The following NELL2 variants were observed in gnomAD, a reference collection of about 807,000 sequenced individuals.
NELL2 encodes protein kinase C-binding protein NELL2.
Under a neutral mutation model 109.6 loss-of-function variants are expected in NELL2, and 41 were observed. The ratio of observed to expected loss-of-function variants is 0.37; its 90% confidence interval spans 0.29 to 0.49. The LOEUF (loss-of-function observed/expected upper bound fraction) is 0.49, where lower values mean the gene tolerates loss of function less well. Ranked by LOEUF, NELL2 falls within the 20% of genes least tolerant of loss-of-function variation. The pLI, the probability that NELL2 is intolerant of heterozygous loss-of-function variation, is 0.98. For missense variants in NELL2, 900 were observed against 1,008.3 expected (o/e 0.89, Z 1.45); for synonymous variants, 355 against 344.7 (o/e 1.03, Z -0.33).
intron 3 of NELL2, among the ~76,000 whole-genome samples, chr12:44,782,950 A>T (rs1167119634): frequency 6.6e-6 from 1 of 152,006 alleles, no homozygotes; most frequent in Non-Finnish European, 1.5e-5. Context: ...ATTCCCTTCA[A>T]GTTCCCAAGG....
chr12:44,895,907 A>G (rs2710469), intron 1 of NELL2, among the ~76,000 whole-genome samples: 3,697 of 152,308 alleles, frequency 0.024, 163 homozygotes, highest in African/African-American at 0.084. Context: ...TAAACACTCA[A>G]TTTAACAATA....
At chr12:44,908,851 T>C (rs1232515160) in intron 1 of NELL2, among the ~76,000 whole-genome samples, 2 of 151,986 alleles carry the variant, frequency 1.3e-5, no homozygotes, top group Non-Finnish European at 2.9e-5. Flanking sequence ...ATCATTAATA[T>C]TAAAAGGGAA....
rs71093812 is a variant in NELL2, at chr12:44,528,097, C to CAAAAAAAAAA, written c.1804+4474_1804+4483dup. On this transcript the variant is annotated intron_variant, in intron 16 of 19. Transcript: ENST00000429094. ...TGGGCGACAGAGCGAGACTCCGTCT[C>CAAAAAAAAAA]AAAAAAAAAAAAAAAAAAAAAAAAA... 2.0e-3 allele frequency among the ~76,000 whole-genome samples: 43 copies of CAAAAAAAAAA among 22,004 alleles called. 2 individuals are homozygous for CAAAAAAAAAA. The highest frequency in any genetic ancestry group is 4.6e-3 in the African/African-American group (28 of 6,104). 14.4% of individuals were successfully genotyped at this position (22,004 alleles called of 152,430 possible). A position where few individuals can be genotyped will look rare whatever the true frequency, so the allele number is the denominator to read the frequency against.
At chr12:44,650,851 G>C (rs1332151565) in intron 13 of NELL2, among the ~76,000 whole-genome samples, 1 of 152,160 alleles carries the variant, frequency 6.6e-6, no homozygotes, top group Non-Finnish European at 1.5e-5. Context: ...CAGGAAGGGA[G>C]CCCTCACGAG....
At chr12:44,874,386 G>C (rs1330433000) in intron 2 of NELL2, among the ~76,000 whole-genome samples, 1 of 152,096 alleles carries the variant, frequency 6.6e-6, no homozygotes, top group Non-Finnish European at 1.5e-5. Flanking sequence ...TACACGTTTA[G>C]CTACCTTTTA....
intron 9 of NELL2, among the ~76,000 whole-genome samples, chr12:44,723,004 C>T (rs982127184): frequency 6.6e-5 from 10 of 151,892 alleles, no homozygotes; most frequent in Admixed American, 5.9e-4. Context: ...CTGGCTAACA[C>T]GGTGAAACCC....
chr12:44,644,619 T>TACACATAC (rs1947014116), intron 13 of NELL2, among the ~76,000 whole-genome samples: 2 of 94,998 alleles, frequency 2.1e-5, no homozygotes, highest in African/African-American at 4.2e-5. Flanking sequence ...TATATATATA[T>TACACATAC]ATATATACAT....
chr12:44,781,061 G>A (rs1941940811), intron 3 of NELL2, among the ~76,000 whole-genome samples: 1 of 151,716 alleles, frequency 6.6e-6, no homozygotes, highest in Non-Finnish European at 1.5e-5. Context: ...AAAAAGAACA[G>A]ATATCAAGAC....
chr12:44,763,809 T>A (rs927522167), intron 9 of NELL2, among the ~76,000 whole-genome samples: 1 of 152,144 alleles, frequency 6.6e-6, no homozygotes, highest in African/African-American at 2.4e-5. Context: ...AAATGCATTA[T>A]CCTAAATTTT....
intron 15 of NELL2, among the ~76,000 whole-genome samples, chr12:44,542,263 T>G (rs1375300898): frequency 6.6e-6 from 1 of 151,662 alleles, no homozygotes; most frequent in Non-Finnish European, 1.5e-5. Flanking sequence ...TAGTTCTCCT[T>G]GTACCTCAAT....
chr12:44,828,819 A>G (rs1464130933), intron 2 of NELL2, among the ~76,000 whole-genome samples: 2 of 152,112 alleles, frequency 1.3e-5, no homozygotes, highest in South Asian at 2.1e-4. Flanking sequence ...AGACTATTCT[A>G]TTTCATTTGT....
chr12:44,789,824 A>C (rs1942314126), intron 3 of NELL2, among the ~76,000 whole-genome samples: 1 of 152,216 alleles, frequency 6.6e-6, no homozygotes, highest in African/African-American at 2.4e-5. Context: ...TAGAAATGCA[A>C]AGTGCTTTGG....
Position 44,644,576 on chromosome 12 carries a change from T to A in NELL2, c.1444+20908A>T, listed in dbSNP as rs890131544. Among the ~76,000 whole-genome samples, 12 of 88,738 alleles carry A rather than the reference T, an allele frequency of 1.4e-4. No homozygotes were observed. In the East Asian group the frequency reaches 5.0e-3, roughly 37 times the overall value. 58.2% of individuals were successfully genotyped at this position (88,738 alleles called of 152,430 possible). On this transcript the variant is annotated intron_variant, in intron 13 of 19. Transcript: ENST00000429094. ...TGAAGACATCCTATACCAGACAAAG[T>A]AAAGTATATATATATATATATATAT...
At chr12:44,918,032 AAAATAAT>A (rs1592721283), upstream of NELL2, among the ~76,000 whole-genome samples, 1 of 152,350 alleles carries the variant, frequency 6.6e-6, no homozygotes, top group East Asian at 1.9e-4. Context: ...TTTCCTCTTG[AAAATAAT>A]GTTCATTTTC....
chr12:44,848,626 A>C (rs1944443991), intron 2 of NELL2, among the ~76,000 whole-genome samples: 1 of 152,150 alleles, frequency 6.6e-6, no homozygotes, highest in South Asian at 2.1e-4. Context: ...GAGGTCACAA[A>C]AACCATACCT....
intron 2 of NELL2, among the ~76,000 whole-genome samples, chr12:44,818,279 A>C (rs1305033311): frequency 6.6e-6 from 1 of 152,250 alleles, no homozygotes; most frequent in African/African-American, 2.4e-5. Context: ...GAAGTGAATC[A>C]TTCACAAACT....
chr12:44,629,228 A>T (rs150563298), intron 13 of NELL2, among the ~76,000 whole-genome samples: 2,157 of 152,304 alleles, frequency 0.014, 36 homozygotes, highest in Non-Finnish European at 0.022. Context: ...TCCACTATAA[A>T]GGCAAAATAT....
At chr12:44,915,026 T>G (rs954216213), upstream of NELL2, among the ~76,000 whole-genome samples, 3,428 of 80,930 alleles carry the variant, frequency 0.042, 143 homozygotes, top group African/African-American at 0.12. Flanking sequence ...ATTTTTTGTA[T>G]TTTTTTAGTA....
chr12:44,629,078 A>T (rs780612380), intron 13 of NELL2, among the ~76,000 whole-genome samples: 2 of 152,188 alleles, frequency 1.3e-5, no homozygotes, highest in Non-Finnish European at 2.9e-5. Context: ...TTGGGTACAA[A>T]GGAGTCAAAT....
Sources: allele counts gnomAD v4.1 joint callset (sites outside exome capture counted in the v4.1 genomes callset), GRCh38; gene constraint gnomAD v4.1.1; transcripts MANE v1.5; gene names NCBI Gene and HGNC (gene_info 2026-07-23, HGNC 2026-07-21).